USP26: variants seen among roughly 807,000 people sequenced by gnomAD.
The protein encoded by USP26 is ubiquitin specific peptidase 26.
For missense variants in USP26, 649 were observed against 642.3 expected (o/e 1.01, Z -0.11); for synonymous variants, 236 against 240.6 (o/e 0.98, Z 0.18).
At chrX:133,094,570 C>A (rs185339752) in intron 1 of USP26, among the ~76,000 whole-genome samples, 1 of 111,225 alleles carries the variant, frequency 9.0e-6, no homozygotes, top group African/African-American at 3.3e-5. Flanking sequence ...AAACATTTGA[C>A]GTTACAGTTA....
At chrX:133,031,888 T>A (rs992394069) in intron 5 of USP26, among the ~76,000 whole-genome samples, 2 of 111,731 alleles carry the variant, frequency 1.8e-5, no homozygotes, top group African/African-American at 6.5e-5. Flanking sequence ...GGCTCATGCC[T>A]GTAATCCCAG....
At chrX:133,062,628 G>A (rs1245690725) in intron 5 of USP26, among the ~76,000 whole-genome samples, 2 of 111,620 alleles carry the variant, frequency 1.8e-5, no homozygotes, top group African/African-American at 3.3e-5. Context: ...AGGGTCTGGA[G>A]TGGACCTCCA....
At position 133,027,507 on chromosome X, in the gene USP26, T is replaced by A; in HGVS notation, c.714A>T (p.Ser238=). The change falls in exon 6 of 6, where the codon TCA becomes TCT. Residue 238 remains serine, a synonymous_variant. Coordinates refer to ENST00000511190, the MANE Select transcript of USP26 (RefSeq NM_031907.3). ...EENKKLECES[S]CIMNATGNPY... ...GATTTCCAGTGGCGTTCATGATGCATGAAGATTCACATTCCAATTTCTTAT... is the reference window on the plus strand; with the variant it reads ...GATTTCCAGTGGCGTTCATGATGCAAGAAGATTCACATTCCAATTTCTTAT... The A allele has an allele frequency of 8.3e-7, 1 of 1,209,640 alleles. No individual in the cohort carries two copies. The highest frequency in any genetic ancestry group is 1.1e-6 in the Non-Finnish European group (1 of 894,903).
chrX:133,097,049 C>T lies in USP26; in HGVS notation c.-412G>A, dbSNP rs963559763. 1.8e-5 allele frequency: 2 copies of T among 112,712 alleles called. No individual in the cohort carries two copies. Among genetic ancestry groups the T allele is most frequent in the Non-Finnish European group, 1.9e-5 (1 of 53,316 alleles). The allele number at this position is 112,712 out of a possible 1,213,427, so 9.3% of individuals were successfully genotyped here. Reference sequence around the variant, plus strand: ...TCTTACAATAGTTTGTGGAAGAAGTCGACACCCCTGACACACCAACGCTCC... The same window carrying T: ...TCTTACAATAGTTTGTGGAAGAAGTTGACACCCCTGACACACCAACGCTCC... On this transcript the variant is annotated 5_prime_UTR_variant, in exon 1 of 6. Transcript: ENST00000511190.
At chrX:133,033,366 A>G (rs2067384998) in intron 5 of USP26, among the ~76,000 whole-genome samples, 3 of 112,225 alleles carry the variant, frequency 2.7e-5, no homozygotes, top group Non-Finnish European at 5.6e-5. Flanking sequence ...CTCTTGACAT[A>G]CACTGCACAT....
At chrX:133,053,507 C>T (rs896718608) in intron 5 of USP26, among the ~76,000 whole-genome samples, 14 of 104,549 alleles carry the variant, frequency 1.3e-4, no homozygotes, top group Non-Finnish European at 2.3e-4. Context: ...CACTGCACTC[C>T]AGTCTGGGCA....
In USP26 at chrX:133,026,389, T is replaced by C. The variant is rs1351534867; in HGVS notation, c.1832A>G (p.Lys611Arg). 1.7e-6 allele frequency: 2 copies of C among 1,208,053 alleles called. No homozygotes were observed. Among genetic ancestry groups the C allele is most frequent in the Admixed American group, 2.2e-5 (1 of 45,383 alleles). ...CCCTTTAAAGACTGTCTGGCCTTTT[T>C]TTTGTTCAGACTCCTTATCTGATCC... ...HIGSDKESEQ[K>R]KGQTVFKGAS... The change falls in exon 6 of 6, where the codon AAA becomes AGA. Residue 611 changes from lysine to arginine, a missense_variant. Transcript: ENST00000511190.
rs773493718 is a variant in USP26, at chrX:133,049,221, T to C, written c.-76-20925A>G. On this transcript the variant is annotated intron_variant, in intron 5 of 5. Coordinates refer to ENST00000511190, the MANE Select transcript of USP26 (RefSeq NM_031907.3). ...CTTCTAAATACTAAGCCAGGGATAT[T>C]TCCCACTGAATCATGAAACTTGGGT... Among the ~76,000 whole-genome samples the C allele has an allele frequency of 2.2e-4, 25 of 112,078 alleles. No homozygotes were observed. The South Asian group carries it at 8.3e-3, about 37-fold the overall frequency.
intron 5 of USP26, among the ~76,000 whole-genome samples, chrX:133,076,677 A>G (rs944052552): frequency 1.8e-5 from 2 of 112,041 alleles, no homozygotes; most frequent in African/African-American, 6.5e-5. Flanking sequence ...CCATGTTGGG[A>G]GCTGTCCAAT....
At position 133,023,833 on chromosome X, in the gene USP26, CT is replaced by C. The variant is rs1374391580; in HGVS notation, c.*1645del. Among the ~76,000 whole-genome samples the C allele has an allele frequency of 8.9e-6, 1 of 111,890 alleles. No homozygotes were observed. Among genetic ancestry groups the C allele is most frequent in the African/African-American group, 3.3e-5 (1 of 30,760 alleles). Reference sequence around the variant, plus strand: ...CTCACCTATTTTAAAGGACCCTAGGCTTAAGAGCATCAACAAGCTCTTGGAT... The same window carrying C: ...CTCACCTATTTTAAAGGACCCTAGGCTAAGAGCATCAACAAGCTCTTGGAT... On this transcript the variant is annotated 3_prime_UTR_variant, in exon 6 of 6. Coordinates refer to ENST00000511190, the MANE Select transcript of USP26 (RefSeq NM_031907.3).
At chrX:133,042,228 C>T (rs1378038060) in intron 5 of USP26, among the ~76,000 whole-genome samples, 2 of 111,215 alleles carry the variant, frequency 1.8e-5, no homozygotes, top group East Asian at 2.8e-4. Context: ...AGTTCTGTCT[C>T]GCTGGGGTTC....
At chrX:133,039,309 A>G (rs1210644034) in intron 5 of USP26, among the ~76,000 whole-genome samples, 2 of 111,881 alleles carry the variant, frequency 1.8e-5, no homozygotes, top group East Asian at 5.6e-4. Flanking sequence ...TTCGTGCTAT[A>G]AATTTCCCTC....
chrX:133,082,008 G>A (rs1175304710), intron 5 of USP26, among the ~76,000 whole-genome samples: 1 of 111,835 alleles, frequency 8.9e-6, no homozygotes, highest in South Asian at 3.8e-4. Flanking sequence ...CATATTTGCT[G>A]GCTGTATCTT....
At chrX:133,056,690 C>T (rs948881953) in intron 5 of USP26, among the ~76,000 whole-genome samples, 3 of 112,181 alleles carry the variant, frequency 2.7e-5, no homozygotes, top group African/African-American at 9.7e-5. Flanking sequence ...TTATCAGCTG[C>T]TATTATGGCT....
At chrX:133,086,117 A>G (rs2067587688) in intron 4 of USP26, among the ~76,000 whole-genome samples, 1 of 111,628 alleles carries the variant, frequency 9.0e-6, no homozygotes. Flanking sequence ...TTAGAAAATG[A>G]CTCAATGAAT....
intron 5 of USP26, among the ~76,000 whole-genome samples, chrX:133,059,058 C>G (rs181009821): frequency 9.0e-6 from 1 of 111,167 alleles, no homozygotes; most frequent in African/African-American, 3.3e-5. Context: ...AAGTGATCCA[C>G]CTGCCTCGGC....
At chrX:133,029,408 G>T (rs367966589) in intron 5 of USP26, among the ~76,000 whole-genome samples, 9 of 112,000 alleles carry the variant, frequency 8.0e-5, no homozygotes, top group Non-Finnish European at 1.5e-4. Flanking sequence ...TATGTTCAGC[G>T]AAATAGAGAT....
rs776099491 is a variant in USP26, at chrX:133,027,160, A to G, written c.1061T>C (p.Ile354Thr). 8.3e-7 allele frequency: 1 copy of G among 1,210,508 alleles called. No homozygotes were observed. Among genetic ancestry groups the G allele is most frequent in the East Asian group, 3.0e-5 (1 of 33,805 alleles). Residue 354 changes from isoleucine to threonine, a missense_variant, in exon 6 of 6, where the codon ATA (isoleucine) becomes ACA (threonine). Physicochemically the swap from Ile to Thr is moderately conservative, Grantham distance 89. Transcript: ENST00000511190. ...RLLFFKDTYN[I>T]EIKEMLLLNL... ...CAAGAGTAACATCTCCTTGATTTCT[A>G]TATTATAGGTATCTTTAAAAAAAAG...
At chrX:133,060,581 A>C (rs2067491154) in intron 5 of USP26, among the ~76,000 whole-genome samples, 1 of 111,756 alleles carries the variant, frequency 8.9e-6, no homozygotes, top group Admixed American at 9.6e-5. Context: ...ACTATTCTAA[A>C]ATATCTATTT....
Sources: allele counts gnomAD v4.1 joint callset (sites outside exome capture counted in the v4.1 genomes callset), GRCh38; gene constraint gnomAD v4.1.1; transcripts MANE v1.5; gene names NCBI Gene and HGNC (gene_info 2026-07-23, HGNC 2026-07-21).